Variants in SMOC2 observed in about 807,000 individuals in gnomAD.
The protein encoded by SMOC2 is SPARC-related modular calcium-binding protein 2.
SMOC2 carries 39 observed loss-of-function variants against 61.4 expected under a neutral mutation model. The observed-to-expected ratio is 0.64, with a 90% CI of 0.49 to 0.83. The LOEUF (loss-of-function observed/expected upper bound fraction) is 0.83, where lower values mean the gene tolerates loss of function less well. Ranked by LOEUF, SMOC2 falls within the 40% of genes least tolerant of loss-of-function variation. SMOC2 has a pLI of 0.00. For missense variants in SMOC2, 556 were observed against 592.9 expected, an observed-to-expected ratio of 0.94 and a Z score of 0.65; for synonymous variants, 247 against 239.9, an observed-to-expected ratio of 1.03 and a Z score of -0.27.
At chr6:168,652,436 A>G (rs1020601512) in intron 10 of SMOC2, among the ~76,000 whole-genome samples, 5 of 152,228 alleles carry the variant, frequency 3.3e-5, no homozygotes, top group African/African-American at 9.6e-5. Flanking sequence ...GTGCACTTTT[A>G]AAGATCCGCA....
At chr6:168,473,823 CAGTG>C (rs1562546129) in intron 1 of SMOC2, among the ~76,000 whole-genome samples, 1 of 152,080 alleles carries the variant, frequency 6.6e-6, no homozygotes, top group African/African-American at 2.4e-5. Flanking sequence ...TTGTGTGTCT[CAGTG>C]GGTGTGAGCG....
intron 1 of SMOC2, among the ~76,000 whole-genome samples, chr6:168,464,205 GGA>G (rs1230216868): frequency 9.4e-5 from 13 of 139,006 alleles, no homozygotes; most frequent in Admixed American, 9.3e-4. Context: ...AAAAAAAAGA[GGA>G]AGGAAGAAAG....
rs1171271467 is a variant in SMOC2 at position 168,599,185 on chromosome 6, ACACACT to A, written c.824+184_824+189del. Among the ~76,000 whole-genome samples the A allele has an allele frequency of 3.7e-4, 44 of 119,938 alleles. No homozygotes were observed. In the East Asian group the frequency reaches 0.011, roughly 29 times the overall value. 78.7% of individuals were successfully genotyped at this position (119,938 alleles called of 152,430 possible). A position where few individuals can be genotyped will look rare whatever the true frequency, so the allele number is the denominator to read the frequency against. On this transcript the variant is annotated intron_variant, in intron 8 of 12. Coordinates refer to ENST00000356284, the MANE Select transcript of SMOC2 (RefSeq NM_001166412.2). Reference sequence around the variant, plus strand: ...CACCCACGCTCTCACACACACCCACACACACTCATACCACACACACACTCATACCCA... The same window carrying A: ...CACCCACGCTCTCACACACACCCACACATACCACACACACACTCATACCCA...
At chr6:168,448,652 G>A (rs1217976658) in intron 1 of SMOC2, among the ~76,000 whole-genome samples, 1 of 152,048 alleles carries the variant, frequency 6.6e-6, no homozygotes, top group Non-Finnish European at 1.5e-5. Flanking sequence ...GAGGAGGATG[G>A]TGCTGGCTAC....
intron 4 of SMOC2, among the ~76,000 whole-genome samples, chr6:168,539,396 G>A (rs901083132): frequency 1.3e-5 from 2 of 152,118 alleles, no homozygotes; most frequent in East Asian, 1.9e-4. Context: ...AGGCAGCTCC[G>A]TCCCACTGCA....
chr6:168,482,513 TG>T (rs1782229160), intron 1 of SMOC2, among the ~76,000 whole-genome samples: 1 of 152,070 alleles, frequency 6.6e-6, no homozygotes, highest in African/African-American at 2.4e-5. Context: ...TAATCCTTCT[TG>T]AATGATTTAA....
At chr6:168,650,586 C>A in intron 9 of SMOC2, 95 bp from the exon 10 acceptor site, 1 of 1,180,498 alleles carries the variant, frequency 8.5e-7, no homozygotes, top group Non-Finnish European at 1.2e-6. Flanking sequence ...CCAAAATACT[C>A]ATTTCCAAAC....
intron 1 of SMOC2, among the ~76,000 whole-genome samples, chr6:168,447,069 A>C (rs1781347632): frequency 6.6e-6 from 1 of 151,780 alleles, no homozygotes; most frequent in Non-Finnish European, 1.5e-5. Flanking sequence ...GTGGTCATCT[A>C]TTTGTTTTCT....
chr6:168,465,164 C>G (rs1369555273), intron 1 of SMOC2, among the ~76,000 whole-genome samples: 3 of 152,264 alleles, frequency 2.0e-5, no homozygotes, highest in Non-Finnish European at 4.4e-5. Flanking sequence ...TCAACACACA[C>G]ATTCCTTTCT....
At chr6:168,630,303 A>T (rs1786533599) in intron 9 of SMOC2, among the ~76,000 whole-genome samples, 1 of 152,174 alleles carries the variant, frequency 6.6e-6, no homozygotes, top group African/African-American at 2.4e-5. Flanking sequence ...GATTGTGAAG[A>T]TTTTATGGAC....
chr6:168,467,136 A>AACACACACACACACAC (rs10536582), intron 1 of SMOC2, among the ~76,000 whole-genome samples: 216 of 133,420 alleles, frequency 1.6e-3, no homozygotes, highest in Middle Eastern at 3.9e-3. Context: ...AGTGCTCTCA[A>AACACACACACACACAC]ACACACACAC....
intron 7 of SMOC2, among the ~76,000 whole-genome samples, chr6:168,556,506 C>A (rs1022257406): frequency 6.6e-6 from 1 of 152,118 alleles, no homozygotes. Flanking sequence ...ACATCCCACG[C>A]GGGCGCTGGA....
intron 1 of SMOC2, among the ~76,000 whole-genome samples, chr6:168,508,159 G>T (rs1782919568): frequency 6.6e-6 from 1 of 152,160 alleles, no homozygotes; most frequent in Admixed American, 6.5e-5. Flanking sequence ...TTGGCTTTTG[G>T]CTAATCTCTG....
intron 7 of SMOC2, among the ~76,000 whole-genome samples, chr6:168,588,450 C>T (rs1455276455): frequency 6.6e-6 from 1 of 151,778 alleles, no homozygotes; most frequent in Non-Finnish European, 1.5e-5. Context: ...AGGCTCATCT[C>T]ATTCCCAGCC....
intron 2 of SMOC2, among the ~76,000 whole-genome samples, chr6:168,517,895 T>A (rs1312860814): frequency 6.6e-6 from 1 of 152,124 alleles, no homozygotes; most frequent in Non-Finnish European, 1.5e-5. Context: ...AGCTCCAGAC[T>A]CTCAGGGCTA....
chr6:168,596,074 TGCTGCTGGAGAGGCATGAACAAGC>T (rs1191120074), intron 7 of SMOC2, among the ~76,000 whole-genome samples: 12 of 117,246 alleles, frequency 1.0e-4, no homozygotes, highest in African/African-American at 3.7e-4. Flanking sequence ...GTTTCCTGGG[TGCTGCTGGAGAGGCATGAACAAGC>T]GCCACGTGAA....
intron 2 of SMOC2, among the ~76,000 whole-genome samples, chr6:168,521,942 G>A (rs926122193): frequency 6.6e-6 from 1 of 152,106 alleles, no homozygotes; most frequent in Admixed American, 6.5e-5. Context: ...ATAAAGTCCC[G>A]GCTCTGCAGG....
chr6:168,596,666 T>C (rs1165364102), intron 7 of SMOC2, among the ~76,000 whole-genome samples: 2 of 152,274 alleles, frequency 1.3e-5, no homozygotes, highest in Non-Finnish European at 2.9e-5. Flanking sequence ...CAGAAACATT[T>C]CGCACAACCC....
intron 7 of SMOC2, among the ~76,000 whole-genome samples, chr6:168,558,686 C>G (rs1057155061): frequency 2.6e-5 from 4 of 152,214 alleles, no homozygotes; most frequent in Admixed American, 2.6e-4. Context: ...GTGTGCACAT[C>G]GAGCTTGGTA....
Sources: allele counts gnomAD v4.1 joint callset (sites outside exome capture counted in the v4.1 genomes callset), GRCh38; gene constraint gnomAD v4.1.1; transcripts MANE v1.5; gene names NCBI Gene and HGNC (gene_info 2026-07-23, HGNC 2026-07-21).